ANKRD46: variants seen among roughly 807,000 people sequenced by gnomAD.
The protein encoded by ANKRD46 is ankyrin repeat domain-containing protein 46.
In ANKRD46, 13 loss-of-function variants were observed where a neutral mutation model predicts 19.8. That is an observed-to-expected ratio of 0.66 (90% CI 0.43 to 1.04). The LOEUF is 1.04. Among genes scored for constraint, ANKRD46 ranks in the 50% least tolerant of loss-of-function variants. The probability of loss-of-function intolerance (pLI) is 0.00; values close to 1 mark genes in which losing one functional copy is unlikely to be tolerated. For missense variants in ANKRD46, 185 were observed against 274.8 expected, an observed-to-expected ratio of 0.67 and a Z score of 2.31; for synonymous variants, 91 against 106.9, an observed-to-expected ratio of 0.85 and a Z score of 0.92.
At position 100,521,425 on chromosome 8, in the gene ANKRD46, G is replaced by C; in HGVS notation, c.*1130C>G. On this transcript the variant is annotated 3_prime_UTR_variant, in exon 5 of 5. Coordinates refer to ENST00000335659, the MANE Select transcript of ANKRD46 (RefSeq NM_001270377.2). ...ATACATTACAGAATCATTAACAAAAGAGGCCTTCAAACATACTGCTGAAAG... is the reference window on the plus strand; with the variant it reads ...ATACATTACAGAATCATTAACAAAACAGGCCTTCAAACATACTGCTGAAAG... The C allele has an allele frequency of 6.1e-6, 6 of 985,258 alleles. No individual in the cohort carries two copies. The highest frequency in any genetic ancestry group is 7.2e-6 in the Non-Finnish European group (6 of 829,910). The allele number at this position is 985,258 out of a possible 1,614,324, so 61.0% of individuals were successfully genotyped here.
chr8:100,522,888 CACACACACACACACACATAT>C (rs908281514), intron 4 of ANKRD46, 117 bp from the exon 5 acceptor site: 73 of 567,790 alleles, frequency 1.3e-4, no homozygotes, highest in Admixed American at 3.0e-4. Flanking sequence ...CACACACACA[CACACACACACACACACATAT>C]ATATATATAC....
chr8:100,523,768 C>G (rs965159284), intron 4 of ANKRD46, among the ~76,000 whole-genome samples: 1 of 152,162 alleles, frequency 6.6e-6, no homozygotes, highest in South Asian at 2.1e-4. Context: ...CTCAGCCCCC[C>G]AGGTAGCTGG....
downstream of ANKRD46, among the ~76,000 whole-genome samples, chr8:100,518,568 C>G (rs1811670634): frequency 1.3e-5 from 2 of 151,918 alleles, no homozygotes; most frequent in South Asian, 2.1e-4. Context: ...AACTATATAC[C>G]AGGCCGGGTG....
At position 100,551,368 on chromosome 8, in the gene ANKRD46, T is replaced by C; in HGVS notation, c.-131+8343A>G. 5.1e-6 allele frequency: 3 copies of C among 589,256 alleles called. No individual in the cohort carries two copies. In the Admixed American group the frequency reaches 6.0e-5, roughly 12 times the overall value. 36.5% of individuals were successfully genotyped at this position (589,256 alleles called of 1,614,324 possible). ...GAGGGGGTAGAGATGATGACCCTTT[T>C]GGCTCCCCCATTAAGTGAGCCCCAG... On this transcript the variant is annotated intron_variant, in intron 1 of 4. Coordinates refer to ENST00000335659, the MANE Select transcript of ANKRD46 (RefSeq NM_001270377.2).
intron 1 of ANKRD46, chr8:100,551,309 G>A: frequency 3.7e-6 from 2 of 537,614 alleles, no homozygotes; most frequent in Admixed American, 4.5e-5. Context: ...ACTTCTCAGG[G>A]ATCATGCCCA....
At chr8:100,515,399 A>G (rs1173178589) in intron 5 of ANKRD46, among the ~76,000 whole-genome samples, 1 of 152,008 alleles carries the variant, frequency 6.6e-6, no homozygotes, top group East Asian at 1.9e-4. Context: ...TTTTTTTGAG[A>G]AGTGGCAAGA....
intron 1 of ANKRD46, among the ~76,000 whole-genome samples, chr8:100,549,422 G>T (rs1812337318): frequency 6.6e-6 from 1 of 152,018 alleles, no homozygotes; most frequent in South Asian, 2.1e-4. Context: ...CATTTTAAAA[G>T]AAACCATATA....
rs1811733046 is a variant in ANKRD46, at chr8:100,521,988, GT to G, written c.*566del. The G allele has an allele frequency of 1.0e-6, 1 of 983,898 alleles. No homozygotes were observed. The highest frequency in any genetic ancestry group is 1.2e-6 in the Non-Finnish European group (1 of 828,728). 60.9% of individuals were successfully genotyped at this position (983,898 alleles called of 1,614,324 possible). A position where few individuals can be genotyped will look rare whatever the true frequency, so the allele number is the denominator to read the frequency against. On this transcript the variant is annotated 3_prime_UTR_variant, in exon 5 of 5. Coordinates refer to ENST00000335659, the MANE Select transcript of ANKRD46 (RefSeq NM_001270377.2). ...AACAAAATATAGCTCATTTTCAAAA[GT>G]TTTGTTTGGTTTGTGACTAGACTTA... is the stretch of plus-strand genomic sequence containing the variant.
Position 100,559,434 on chromosome 8 carries a change from C to T in ANKRD46, c.-131+277G>A, listed in dbSNP as rs1355158685. ...GCTGCCCGCGCTGCCCAGGGGTTCC[C>T]CGGACCACAGCCCTAACCCGCAAGC... On this transcript the variant is annotated intron_variant, in intron 1 of 4. Coordinates refer to ENST00000335659, the MANE Select transcript of ANKRD46 (RefSeq NM_001270377.2). This position sits in a 1 kb window ranked among gnomAD's most constrained non-coding sequence, Gnocchi z 6.0. 6.6e-6 allele frequency: 1 copy of T among 152,450 alleles called. No individual in the cohort carries two copies. The allele number at this position is 152,450 out of a possible 1,614,324, so 9.4% of individuals were successfully genotyped here. A position where few individuals can be genotyped will look rare whatever the true frequency, so the allele number is the denominator to read the frequency against.
intron 4 of ANKRD46, among the ~76,000 whole-genome samples, chr8:100,526,045 G>C (rs2130649874): frequency 6.6e-6 from 1 of 152,268 alleles, no homozygotes. Context: ...ATGACACTGA[G>C]GGGTAGGAGT....
chr8:100,520,741 T>TAAAAA (rs5893523), downstream of ANKRD46: 135 of 719,564 alleles, frequency 1.9e-4, no homozygotes, highest in Non-Finnish European at 2.1e-4. Context: ...TATAATACAC[T>TAAAAA]AAAAAAAAAA....
chr8:100,540,195 T>TAAA (rs57942001), intron 1 of ANKRD46, among the ~76,000 whole-genome samples: 2 of 147,732 alleles, frequency 1.4e-5, no homozygotes, highest in Non-Finnish European at 1.5e-5. Flanking sequence ...ATTTCATGAG[T>TAAA]AAAAAAAAAA....
intron 4 of ANKRD46, among the ~76,000 whole-genome samples, chr8:100,526,083 G>A (rs1292749869): frequency 3.3e-5 from 5 of 152,128 alleles, no homozygotes; most frequent in Non-Finnish European, 7.4e-5. Flanking sequence ...TAATAAAAGT[G>A]TTAATAACTC....
Position 100,546,449 on chromosome 8 carries a change from GGT to G in ANKRD46, c.-130-13140_-130-13139del, listed in dbSNP as rs1404939603. Among the ~76,000 whole-genome samples the G allele has an allele frequency of 1.3e-5, 2 of 152,258 alleles. No individual in the cohort carries two copies. Among genetic ancestry groups the G allele is most frequent in the Admixed American group, 6.5e-5 (1 of 15,290 alleles). ...CCCCAAGCCTTGGCAGCTTCCATGT[GGT>G]GTTGGGCCTGTAGGTGTGCAGAAGA... is the stretch of plus-strand genomic sequence containing the variant. On this transcript the variant is annotated intron_variant, in intron 1 of 4. Transcript: ENST00000335659. This position sits in a 1 kb window ranked among gnomAD's most constrained non-coding sequence, Gnocchi z 4.0.
At chr8:100,531,051 C>T (rs1811953177) in intron 2 of ANKRD46, among the ~76,000 whole-genome samples, 1 of 152,156 alleles carries the variant, frequency 6.6e-6, no homozygotes, top group South Asian at 2.1e-4. Flanking sequence ...GCCTGGTGCA[C>T]CTGAACTCTC....
At chr8:100,515,622 T>C (rs914014228) in intron 5 of ANKRD46, among the ~76,000 whole-genome samples, 3 of 143,168 alleles carry the variant, frequency 2.1e-5, no homozygotes, top group African/African-American at 7.9e-5. Context: ...CAGACTCTTG[T>C]AATTTTAATA....
rs2130638893 is a variant in ANKRD46, at chr8:100,521,348, A to G, written c.*1207T>C. The stretch of plus-strand genomic sequence containing the variant: ...CTACAATTTCCTGACTTTACCCAAT[A>G]AATAATTATCAAGCCTTCATATTCT... On this transcript the variant is annotated 3_prime_UTR_variant, in exon 5 of 5. Coordinates refer to ENST00000335659, the MANE Select transcript of ANKRD46 (RefSeq NM_001270377.2). The G allele has an allele frequency of 2.0e-6, 2 of 985,408 alleles. No homozygotes were observed. Among genetic ancestry groups the G allele is most frequent in the Non-Finnish European group, 2.4e-6 (2 of 829,896 alleles). 61.0% of individuals were successfully genotyped at this position (985,408 alleles called of 1,614,324 possible).
In ANKRD46 at chr8:100,529,624, A is replaced by G; in HGVS notation, c.210T>C (p.Asp70=). The G allele has an allele frequency of 6.2e-7, 1 of 1,614,252 alleles. No homozygotes were observed. Among genetic ancestry groups the G allele is most frequent in the Non-Finnish European group, 8.5e-7 (1 of 1,180,044 alleles). ...TTCCTTGATAATCTGTGGCCAGAAG[A>G]TCGGCACCGAATTTATGCAGTAACT... ...ICQLLHKFGA[D]LLATDYQGNT... is the part of the protein sequence containing the mutation. The change falls in exon 3 of 5, where the codon GAT becomes GAC. Residue 70 remains aspartate, a synonymous_variant. Transcript: ENST00000335659. This position sits in a 1 kb window ranked among gnomAD's most constrained non-coding sequence, Gnocchi z 5.8.
chr8:100,528,545 A>T (rs1222099335), intron 3 of ANKRD46, among the ~76,000 whole-genome samples: 5 of 150,298 alleles, frequency 3.3e-5, no homozygotes. Context: ...ACTTCCAGGG[A>T]AAAGAAAAAA....
Sources: gnomAD v4.1 joint callset for allele counts (sites outside exome capture counted in the v4.1 genomes callset) on GRCh38, gnomAD v4.1.1 for gene constraint, Gnocchi (gnomAD v3.1) non-coding constraint, MANE v1.5 for transcripts, NCBI Gene and HGNC (gene_info 2026-07-23, HGNC 2026-07-21) for gene names.